The following CLASP2 variants were observed in gnomAD, a reference collection of about 807,000 sequenced individuals.
The protein encoded by CLASP2 is cytoplasmic linker associated protein 2.
A neutral mutation model predicts 194.4 loss-of-function variants in CLASP2; 47 were observed. The observed-to-expected ratio is 0.24, with a 90% confidence interval of 0.19 to 0.31. The LOEUF is 0.31. CLASP2 is among the 10% of genes least tolerant of loss of function. CLASP2 has a pLI of 1.00. For missense variants in CLASP2, 1,445 were observed against 1,823.6 expected, an observed-to-expected ratio of 0.79 and a Z score of 3.78; for synonymous variants, 619 against 633.5, an observed-to-expected ratio of 0.98 and a Z score of 0.34.
chr3:33,576,389 C>T, intron 23 of CLASP2, 114 bp from the exon 24 acceptor site: 1 of 669,254 alleles, frequency 1.5e-6, no homozygotes, highest in Non-Finnish European at 2.5e-6. Context: ...TGGGGCAAAG[C>T]ATTTTAAAAG....
At chr3:33,586,046 C>T (rs1383325210) in intron 21 of CLASP2, among the ~76,000 whole-genome samples, 1 of 152,080 alleles carries the variant, frequency 6.6e-6, no homozygotes, top group Non-Finnish European at 1.5e-5. Context: ...GCAAAGCGCT[C>T]TTGGGTAGTG....
At chr3:33,539,184 C>T (rs2057902754) in intron 32 of CLASP2, among the ~76,000 whole-genome samples, 1 of 152,024 alleles carries the variant, frequency 6.6e-6, no homozygotes, top group South Asian at 2.1e-4. Context: ...TTTGTCTTTC[C>T]ACCTTGAAAA....
chr3:33,558,638 T>A (rs1481707522), intron 29 of CLASP2: 2 of 152,092 alleles, frequency 1.3e-5, no homozygotes, highest in Admixed American at 6.6e-5. Context: ...CTGAAAAATG[T>A]GTGTATATAA....
At chr3:33,578,455 A>C (rs1412420922) in intron 23 of CLASP2, among the ~76,000 whole-genome samples, 1 of 152,222 alleles carries the variant, frequency 6.6e-6, no homozygotes, top group Non-Finnish European at 1.5e-5. Flanking sequence ...TAATTTAGAA[A>C]GTTATTCTTC....
At chr3:33,582,083 G>A (rs2066291802) in intron 22 of CLASP2, among the ~76,000 whole-genome samples, 155 bp from the exon 23 acceptor site, 1 of 152,126 alleles carries the variant, frequency 6.6e-6, no homozygotes, top group Admixed American at 6.5e-5. Flanking sequence ...GCATTACCAG[G>A]AATACAGTTA....
chr3:33,572,818 TATTA>T (rs1329013860), intron 25 of CLASP2, among the ~76,000 whole-genome samples: 1 of 151,922 alleles, frequency 6.6e-6, no homozygotes, highest in Non-Finnish European at 1.5e-5. Flanking sequence ...TACTTTTTAT[TATTA>T]AATATTAAAA....
rs2065068809 is a variant in CLASP2 at position 33,577,149 on chromosome 3, G to C, written c.2348-874C>G. ...ATATTATTTAATGGAAACTGAAAAG[G>C]ATAAAATCTGAGATGAATGCCAGAT... On this transcript the variant is annotated intron_variant, in intron 23 of 38. Coordinates refer to ENST00000682230, the MANE Select transcript of CLASP2 (RefSeq NM_001365631.1). 8.7e-6 allele frequency: 11 copies of C among 1,261,744 alleles called. No homozygotes were observed. The South Asian group carries it at 1.4e-4, about 16-fold the overall frequency. The allele number at this position is 1,261,744 out of a possible 1,614,324, so 78.2% of individuals were successfully genotyped here. A position where few individuals can be genotyped will look rare whatever the true frequency, so the allele number is the denominator to read the frequency against.
intron 33 of CLASP2, among the ~76,000 whole-genome samples, chr3:33,537,634 A>G (rs2057605416): frequency 6.6e-6 from 1 of 152,248 alleles, no homozygotes; most frequent in African/African-American, 2.4e-5. Context: ...GTTGTAGGTT[A>G]TAACATTCTT....
intron 5 of CLASP2, 62 bp downstream of exon 5, chr3:33,686,998 G>A: frequency 1.1e-6 from 1 of 880,572 alleles, no homozygotes; most frequent in Non-Finnish European, 1.7e-6. Flanking sequence ...TAGAATAAGA[G>A]GACTAGAAAA....
At chr3:33,706,649 A>G (rs1195388423) in intron 1 of CLASP2, among the ~76,000 whole-genome samples, 1 of 152,176 alleles carries the variant, frequency 6.6e-6, no homozygotes, top group African/African-American at 2.4e-5. Flanking sequence ...AACTCATGAC[A>G]TATTTTTCTT....
rs530406758 is a variant in CLASP2 at position 33,531,920 on chromosome 3, G to C, written c.3787+3313C>G. The stretch of plus-strand genomic sequence containing the variant: ...GAAACTGAAACCCTTCTGCACTGGT[G>C]GTGGGGAAGTAAAATGGTATACCTG... On this transcript the variant is annotated intron_variant, in intron 34 of 38. Coordinates refer to ENST00000682230, the MANE Select transcript of CLASP2 (RefSeq NM_001365631.1). 7.2e-5 allele frequency among the ~76,000 whole-genome samples: 11 copies of C among 152,284 alleles called. No individual in the cohort carries two copies. In the South Asian group the frequency reaches 1.9e-3, roughly 26 times the overall value.
chr3:33,565,241 C>T (rs1013267230), intron 27 of CLASP2, among the ~76,000 whole-genome samples: 2 of 152,060 alleles, frequency 1.3e-5, no homozygotes, highest in African/African-American at 2.4e-5. Flanking sequence ...TGCACTGGTG[C>T]GATCTCGGCT....
intron 21 of CLASP2, among the ~76,000 whole-genome samples, chr3:33,589,390 C>A (rs1429967345): frequency 6.6e-6 from 1 of 151,820 alleles, no homozygotes. Flanking sequence ...AGTAGTGATA[C>A]AAAGATATGG....
At chr3:33,685,488 A>C (rs1349125023) in intron 5 of CLASP2, among the ~76,000 whole-genome samples, 1 of 152,158 alleles carries the variant, frequency 6.6e-6, no homozygotes, top group East Asian at 1.9e-4. Flanking sequence ...CCTGAACTCA[A>C]ACAGATACTT....
At chr3:33,541,303 C>T (rs148648261) in intron 32 of CLASP2, among the ~76,000 whole-genome samples, 35 of 152,032 alleles carry the variant, frequency 2.3e-4, no homozygotes, top group East Asian at 1.5e-3. Context: ...ACGGAATACA[C>T]CACAGCCAGC....
chr3:33,587,125 T>A (rs2067572344), intron 21 of CLASP2, among the ~76,000 whole-genome samples: 1 of 152,108 alleles, frequency 6.6e-6, no homozygotes, highest in South Asian at 2.1e-4. Context: ...TGATTCTTTT[T>A]TTTCTTTCTT....
chr3:33,498,581 G>A lies in CLASP2; in HGVS notation c.*50C>T. The A allele has an allele frequency of 1.7e-6, 2 of 1,155,156 alleles. No individual in the cohort carries two copies. Among genetic ancestry groups the A allele is most frequent in the South Asian group, 1.3e-5 (1 of 77,648 alleles). 71.6% of individuals were successfully genotyped at this position (1,155,156 alleles called of 1,614,324 possible). A position where few individuals can be genotyped will look rare whatever the true frequency, so the allele number is the denominator to read the frequency against. Reference sequence around the variant, plus strand: ...GAACTTCCTTTCATTGATGAGGGTGGTCTATCTGTCCTTTCTTTTGAGAGA... The same window carrying A: ...GAACTTCCTTTCATTGATGAGGGTGATCTATCTGTCCTTTCTTTTGAGAGA... On this transcript the variant is annotated 3_prime_UTR_variant, in exon 39 of 39. Coordinates refer to ENST00000682230, the MANE Select transcript of CLASP2 (RefSeq NM_001365631.1).
At chr3:33,547,278 T>C (rs919029567) in intron 30 of CLASP2, among the ~76,000 whole-genome samples, 5 of 152,172 alleles carry the variant, frequency 3.3e-5, no homozygotes, top group African/African-American at 9.7e-5. Flanking sequence ...ATCTGATGAT[T>C]TGATAAGGGG....
intron 25 of CLASP2, 82 bp from the exon 26 acceptor site, chr3:33,570,872 T>TTAA: frequency 1.3e-6 from 1 of 794,172 alleles, no homozygotes; most frequent in Non-Finnish European, 1.8e-6. Flanking sequence ...TAATTTTCTT[T>TTAA]AAAAAAAAAA....
Sources: gnomAD v4.1 joint callset for allele counts (sites outside exome capture counted in the v4.1 genomes callset) on GRCh38, gnomAD v4.1.1 for gene constraint, MANE v1.5 for transcripts, NCBI Gene and HGNC (gene_info 2026-07-23, HGNC 2026-07-21) for gene names.